The following JAG1 variants were observed in gnomAD, a reference collection of about 807,000 sequenced individuals.
JAG1 encodes the protein jagged canonical Notch ligand 1.
A neutral mutation model predicts 148.7 loss-of-function variants in JAG1; 23 were observed. The observed-to-expected ratio is 0.15, with a 90% CI of 0.11 to 0.22. The LOEUF is 0.22. Among genes scored for constraint, JAG1 ranks in the 10% least tolerant of loss-of-function variants. The pLI is 1.00. For synonymous variants in JAG1, 572 were observed against 598.3 expected (o/e 0.96, Z 0.64); for missense variants, 1,054 against 1,611.2 (o/e 0.65, Z 5.92).
At chr20:10,655,779 C>T (rs2067374737) in intron 5 of JAG1, among the ~76,000 whole-genome samples, 3 of 152,158 alleles carry the variant, frequency 2.0e-5, no homozygotes, top group Non-Finnish European at 2.9e-5. Flanking sequence ...TTCCAAAACC[C>T]GCCATCGTGA....
rs1351450314 is a variant in JAG1 at position 10,645,578 on chromosome 20, C to T, written c.2000-109G>A. 7.0e-6 allele frequency: 6 copies of T among 861,558 alleles called. No homozygotes were observed. The highest frequency in any genetic ancestry group is 1.4e-5 in the South Asian group (1 of 73,548). 53.4% of individuals were successfully genotyped at this position (861,558 alleles called of 1,614,324 possible). On this transcript the variant is annotated intron_variant, in intron 15 of 25. Transcript: ENST00000254958. The surrounding 1 kb of genome is among the most constrained non-coding windows in gnomAD (Gnocchi z 6.1). ...TACATCCAACATCCTATTCTGAGAA[C>T]AGCCACAGTCGTAGTACTTTAACAC... is the stretch of plus-strand genomic sequence containing the variant.
At chr20:10,640,729 G>A in intron 25 of JAG1, 54 bp downstream of exon 25, 1 of 1,572,348 alleles carries the variant, frequency 6.4e-7, no homozygotes, top group Non-Finnish European at 8.8e-7. Context: ...TTATTGAATA[G>A]TATAATGAGA....
At chr20:10,664,210 G>T (rs1285011707) in intron 2 of JAG1, among the ~76,000 whole-genome samples, 196 bp from the exon 3 acceptor site, 1 of 152,098 alleles carries the variant, frequency 6.6e-6, no homozygotes, top group Non-Finnish European at 1.5e-5. Flanking sequence ...CTCTTCCCAG[G>T]TTGACAAATG....
Position 10,663,950 on chromosome 20 carries a change from A to G in JAG1, c.439+13T>C, listed in dbSNP as rs1380735717. 6.2e-7 allele frequency: 1 copy of G among 1,611,442 alleles called. No homozygotes were observed. The highest frequency in any genetic ancestry group is 1.7e-5 in the Admixed American group (1 of 60,018). Reference sequence around the variant, plus strand: ...CGTGTGTTTAGAGAAAAGTCCACAGAAGCGATACTTACGAACGGTGTCATT... The same window carrying G: ...CGTGTGTTTAGAGAAAAGTCCACAGGAGCGATACTTACGAACGGTGTCATT... On this transcript the variant is annotated intron_variant, in intron 3 of 25. Coordinates refer to ENST00000254958, the MANE Select transcript of JAG1 (RefSeq NM_000214.3).
Position 10,645,822 on chromosome 20 carries a change from G to T in JAG1, c.1999+149C>A. ...ATCATCAGGACTCATAAATGCAAAT[G>T]AGACACAAGTGATACTGTCCCAGTG... On this transcript the variant is annotated intron_variant, in intron 15 of 25. Transcript: ENST00000254958. The surrounding 1 kb of genome is among the most constrained non-coding windows in gnomAD (Gnocchi z 6.1). The T allele has an allele frequency of 1.4e-6, 1 of 719,178 alleles. No homozygotes were observed. The highest frequency in any genetic ancestry group is 1.9e-5 in the Admixed American group (1 of 51,616). The allele number at this position is 719,178 out of a possible 1,614,324, so 44.5% of individuals were successfully genotyped here. A position where few individuals can be genotyped will look rare whatever the true frequency, so the allele number is the denominator to read the frequency against.
chr20:10,639,420 A>C lies in JAG1; in HGVS notation c.*78T>G. 7.7e-7 allele frequency: 1 copy of C among 1,298,078 alleles called. No individual in the cohort carries two copies. Among genetic ancestry groups the C allele is most frequent in the South Asian group, 1.2e-5 (1 of 84,284 alleles). The allele number at this position is 1,298,078 out of a possible 1,614,324, so 80.4% of individuals were successfully genotyped here. ...GGGATTCTAAGTCAGCAACGGCCTC[A>C]GACTCGAGTATGACACGACAGTTTA... On this transcript the variant is annotated 3_prime_UTR_variant, in exon 26 of 26. Transcript: ENST00000254958.
chr20:10,672,919 C>T lies in JAG1; in HGVS notation c.169G>A (p.Gly57Ser). 1 of 1,613,170 alleles carries T rather than the reference C, an allele frequency of 6.2e-7. No individual in the cohort carries two copies. Among genetic ancestry groups the T allele is most frequent in the Non-Finnish European group, 8.5e-7 (1 of 1,180,012 alleles). ...GELQNGNCCG[G>S]ARNPGDRKCT... ...TTGCGGTCTCCCGGGTTCCGGGCGC[C>T]GCCGCAGCAGTTCCCGTTCTGCAGC... The change falls in exon 2 of 26, where the codon GGC becomes AGC. Residue 57 changes from glycine to serine, a missense_variant. Transcript: ENST00000254958.
intron 13 of JAG1, chr20:10,647,440 C>T (rs1219650033): frequency 2.6e-5 from 11 of 424,396 alleles, no homozygotes; most frequent in South Asian, 1.7e-4. Flanking sequence ...CCTTTTTGAT[C>T]TTAAGCAAGG....
rs374501005 is a variant in JAG1 at position 10,641,412 on chromosome 20, G to C, written c.2916+48C>G. ...TCATGGCATTCCTCCTTTAAAGCAA[G>C]CAAGCAGACATCCACCATTCAAAAA... On this transcript the variant is annotated intron_variant, in intron 23 of 25. Transcript: ENST00000254958. 1.5e-5 allele frequency: 24 copies of C among 1,549,572 alleles called. No individual in the cohort carries two copies. The African/African-American group carries it at 2.5e-4, about 16-fold the overall frequency.
At position 10,672,937 on chromosome 20, in the gene JAG1, T is replaced by C. The variant is rs2067507706; in HGVS notation, c.151A>G (p.Asn51Asp). 8.7e-6 allele frequency: 14 copies of C among 1,613,142 alleles called. No homozygotes were observed. Among genetic ancestry groups the C allele is most frequent in the Admixed American group, 3.3e-5 (2 of 60,020 alleles). Residue 51 changes from asparagine to aspartate, a missense_variant, in exon 2 of 26, where the codon AAC (asparagine) becomes GAC (aspartate). Asn to Asp is a conservative substitution (Grantham distance 23). Transcript: ENST00000254958. ...CGGGCGCCGCCGCAGCAGTTCCCGT[T>C]CTGCAGCTCCCCGTTCACGTTCTGC... The part of the protein sequence containing the change: ...SMQNVNGELQ[N>D]GNCCGGARNP...
chr20:10,668,433 G>A (rs2067471750), intron 2 of JAG1, among the ~76,000 whole-genome samples: 1 of 152,230 alleles, frequency 6.6e-6, no homozygotes, highest in South Asian at 2.1e-4. Context: ...CCTTACAGAA[G>A]TTTACCATGG....
rs755337222 is a variant in JAG1 at position 10,644,985 on chromosome 20, A to G, written c.2228-6T>C. The G allele has an allele frequency of 1.9e-6, 3 of 1,610,510 alleles. No homozygotes were observed. Among genetic ancestry groups the G allele is most frequent in the Middle Eastern group, 1.7e-4 (1 of 6,054 alleles). On this transcript the variant is annotated splice_region_variant and splice_polypyrimidine_tract_variant and intron_variant, in intron 17 of 25. Coordinates refer to ENST00000254958, the MANE Select transcript of JAG1 (RefSeq NM_000214.3). Reference sequence around the variant, plus strand: ...CAGGCAGCTACTGTTTCGGGCTATAAAAGAAGAGCAGACACGACCACCCTC... The same window carrying G: ...CAGGCAGCTACTGTTTCGGGCTATAGAAGAAGAGCAGACACGACCACCCTC...
chr20:10,640,937 G>A lies in JAG1; in HGVS notation c.3049-4C>T, dbSNP rs1246378121. On this transcript the variant is annotated splice_region_variant and splice_polypyrimidine_tract_variant and intron_variant, in intron 24 of 25. Coordinates refer to ENST00000254958, the MANE Select transcript of JAG1 (RefSeq NM_000214.3). ...CATCCCGTATATCTTCAGCAGACTGGAAAAACAATTGTCAGACTTGAGAGT... is the reference window on the plus strand; with the variant it reads ...CATCCCGTATATCTTCAGCAGACTGAAAAAACAATTGTCAGACTTGAGAGT... 2.5e-6 allele frequency: 4 copies of A among 1,614,104 alleles called. No homozygotes were observed. The highest frequency in any genetic ancestry group is 1.6e-4 in the Middle Eastern group (1 of 6,062).
intron 2 of JAG1, among the ~76,000 whole-genome samples, chr20:10,670,142 G>A (rs2067485999): frequency 6.6e-6 from 1 of 152,170 alleles, no homozygotes; most frequent in Non-Finnish European, 1.5e-5. Flanking sequence ...AACATGGACT[G>A]TATTTCATAT....
rs1568789876 is a variant in JAG1 at position 10,638,364 on chromosome 20, G to C, written c.*1134C>G. ...GTGAAAAGAAATCAGAATTTACAAA[G>C]TAAGATTGGTGTGCTTCCAAGTTCA... On this transcript the variant is annotated 3_prime_UTR_variant, in exon 26 of 26. Coordinates refer to ENST00000254958, the MANE Select transcript of JAG1 (RefSeq NM_000214.3). 6.6e-6 allele frequency: 1 copy of C among 152,504 alleles called. No individual in the cohort carries two copies. The highest frequency in any genetic ancestry group is 2.4e-5 in the African/African-American group (1 of 41,420). 9.4% of individuals were successfully genotyped at this position (152,504 alleles called of 1,614,324 possible). A position where few individuals can be genotyped will look rare whatever the true frequency, so the allele number is the denominator to read the frequency against.
Position 10,645,598 on chromosome 20 carries a change from T to G in JAG1, c.2000-129A>C, listed in dbSNP as rs553988560. On this transcript the variant is annotated intron_variant, in intron 15 of 25. Coordinates refer to ENST00000254958, the MANE Select transcript of JAG1 (RefSeq NM_000214.3). This position sits in a 1 kb window ranked among gnomAD's most constrained non-coding sequence, Gnocchi z 6.1. ...GAGAACAGCCACAGTCGTAGTACTT[T>G]AACACAATCAGGCTTTTCCAGGAAT... 1.3e-6 allele frequency: 1 copy of G among 787,154 alleles called. No homozygotes were observed. Among genetic ancestry groups the G allele is most frequent in the East Asian group, 2.6e-5 (1 of 38,170 alleles). The allele number at this position is 787,154 out of a possible 1,614,324, so 48.8% of individuals were successfully genotyped here. A position where few individuals can be genotyped will look rare whatever the true frequency, so the allele number is the denominator to read the frequency against.
At position 10,648,663 on chromosome 20, in the gene JAG1, C is replaced by T; in HGVS notation, c.1455G>A (p.Glu485=). ...CPPGYAGDHC[E]RDIDECASNP... is the part of the protein sequence containing the mutation. ...TGCTGGCACATTCATCGATGTCTCTCTCACAGTGATCGCCTGCATAGCCAG... is the reference window on the plus strand; with the variant it reads ...TGCTGGCACATTCATCGATGTCTCTTTCACAGTGATCGCCTGCATAGCCAG... Residue 485 remains glutamate, a synonymous_variant, in exon 12 of 26, where the codon GAG becomes GAA. Coordinates refer to ENST00000254958, the MANE Select transcript of JAG1 (RefSeq NM_000214.3). The T allele has an allele frequency of 6.2e-7, 1 of 1,614,214 alleles. No individual in the cohort carries two copies. Among genetic ancestry groups the T allele is most frequent in the East Asian group, 2.2e-5 (1 of 44,884 alleles).
In JAG1 at chr20:10,652,547, C is replaced by T. The variant is rs753646278; in HGVS notation, c.807G>A (p.Pro269=). Residue 269 remains proline (P), a synonymous_variant, in exon 6 of 26, where the codon CCG becomes CCA. Coordinates refer to ENST00000254958, the MANE Select transcript of JAG1 (RefSeq NM_000214.3). ...GLYCDKCIPH[P]GCVHGICNEP... ...CATTACAGATGCCGTGGACGCATCCCGGGTGTGGGATGCACTTATCACAGT... is the reference window on the plus strand; with the variant it reads ...CATTACAGATGCCGTGGACGCATCCTGGGTGTGGGATGCACTTATCACAGT... 18 of 1,613,948 alleles carry T rather than the reference C, an allele frequency of 1.1e-5. No individual in the cohort carries two copies. The highest frequency in any genetic ancestry group is 3.3e-5 in the South Asian group (3 of 91,080).
In JAG1 at chr20:10,642,708, T is replaced by A. The variant is rs956467646; in HGVS notation, c.2459-107A>T. 6.6e-6 allele frequency: 5 copies of A among 759,518 alleles called. No individual in the cohort carries two copies. In the East Asian group the frequency reaches 1.3e-4, roughly 20 times the overall value. 47.0% of individuals were successfully genotyped at this position (759,518 alleles called of 1,614,324 possible). On this transcript the variant is annotated intron_variant, in intron 20 of 25. Coordinates refer to ENST00000254958, the MANE Select transcript of JAG1 (RefSeq NM_000214.3). The stretch of plus-strand genomic sequence containing the variant: ...GAAAAGCATATCATCATAAGCTTGA[T>A]GAATTTTCACTCAGGTAAGCAGCAT...
Sources: gnomAD v4.1 joint callset for allele counts (sites outside exome capture counted in the v4.1 genomes callset) on GRCh38, gnomAD v4.1.1 for gene constraint, Gnocchi (gnomAD v3.1) non-coding constraint, MANE v1.5 for transcripts, NCBI Gene and HGNC (gene_info 2026-07-23, HGNC 2026-07-21) for gene names.